Variants in NRXN3 observed in about 807,000 individuals in gnomAD.
NRXN3 encodes neurexin III.
In NRXN3, 32 loss-of-function variants were observed where a neutral mutation model predicts 137.6. The observed-to-expected ratio is 0.23, with a 90% CI of 0.18 to 0.31. The LOEUF is 0.31. NRXN3 is among the 10% of genes least tolerant of loss of function. The probability of loss-of-function intolerance (pLI) is 1.00; values close to 1 mark genes in which losing one functional copy is unlikely to be tolerated. For synonymous variants in NRXN3, 798 were observed against 784.5 expected (o/e 1.02, Z -0.29); for missense variants, 1,574 against 2,062.5 (o/e 0.76, Z 4.59).
chr14:78,825,007 GGTT>G (rs1447946966), intron 10 of NRXN3, among the ~76,000 whole-genome samples: 1 of 151,784 alleles, frequency 6.6e-6, no homozygotes, highest in Non-Finnish European at 1.5e-5. Flanking sequence ...CCTAAATAGT[GGTT>G]GTTCAAAGAG....
intron 16 of NRXN3, among the ~76,000 whole-genome samples, chr14:79,518,164 C>CA (rs1444518669): frequency 6.6e-6 from 1 of 152,008 alleles, no homozygotes; most frequent in East Asian, 1.9e-4. Flanking sequence ...TTCAGCCTCC[C>CA]AAAGTGTTGG....
chr14:78,213,433 C>G (rs958928864), intron 1 of NRXN3, among the ~76,000 whole-genome samples: 1 of 152,032 alleles, frequency 6.6e-6, no homozygotes, highest in East Asian at 1.9e-4. Flanking sequence ...GACCTTGATG[C>G]ACACCTGACT....
At chr14:79,087,117 G>A (rs967854064) in intron 15 of NRXN3, among the ~76,000 whole-genome samples, 20 of 152,292 alleles carry the variant, frequency 1.3e-4, no homozygotes, top group African/African-American at 4.8e-4. Flanking sequence ...CCCCTGGCCT[G>A]TCCCTTGGAA....
intron 4 of NRXN3, among the ~76,000 whole-genome samples, chr14:78,456,754 C>T (rs866417302): frequency 5.3e-5 from 8 of 151,718 alleles, no homozygotes; most frequent in South Asian, 2.1e-4. Flanking sequence ...CTTTTCTCCC[C>T]CTACAGGCTC....
intron 8 of NRXN3, among the ~76,000 whole-genome samples, chr14:78,726,829 C>G (rs1213569752): frequency 3.3e-5 from 5 of 151,934 alleles, no homozygotes; most frequent in Non-Finnish European, 7.4e-5. Context: ...TCATTTTAGC[C>G]ATTTTTATGT....
At chr14:78,424,654 A>G (rs968046396) in intron 4 of NRXN3, among the ~76,000 whole-genome samples, 1 of 152,188 alleles carries the variant, frequency 6.6e-6, no homozygotes, top group Non-Finnish European at 1.5e-5. Context: ...TGATTCAGGT[A>G]TTACCTTTGG....
chr14:79,234,315 TA>T (rs1448665700), intron 15 of NRXN3, among the ~76,000 whole-genome samples: 15 of 116,778 alleles, frequency 1.3e-4, no homozygotes, highest in African/African-American at 5.2e-4. Context: ...TATATATATA[TA>T]TATATATATA....
chr14:78,537,500 T>C (rs1390900616), intron 4 of NRXN3, among the ~76,000 whole-genome samples: 1 of 152,252 alleles, frequency 6.6e-6, no homozygotes, highest in African/African-American at 2.4e-5. Flanking sequence ...TTGTAGATTC[T>C]GGATATTAAC....
At chr14:78,850,951 G>A (rs2099040913) in intron 10 of NRXN3, among the ~76,000 whole-genome samples, 1 of 152,126 alleles carries the variant, frequency 6.6e-6, no homozygotes, top group Admixed American at 6.6e-5. Context: ...AGCGGTTGTA[G>A]GTTTTATTTT....
intron 15 of NRXN3, among the ~76,000 whole-genome samples, chr14:79,158,201 T>C (rs1200190696): frequency 6.6e-6 from 1 of 151,816 alleles, no homozygotes; most frequent in Non-Finnish European, 1.5e-5. Flanking sequence ...TTTCTTTCTA[T>C]CTCCCTAAAA....
At chr14:79,295,534 G>C (rs2083928223) in intron 15 of NRXN3, among the ~76,000 whole-genome samples, 1 of 152,128 alleles carries the variant, frequency 6.6e-6, no homozygotes, top group African/African-American at 2.4e-5. Flanking sequence ...TAGAATGAAA[G>C]TTCTGAGAGC....
chr14:79,703,702 G>A (rs1251399511), intron 19 of NRXN3, among the ~76,000 whole-genome samples: 1 of 151,592 alleles, frequency 6.6e-6, no homozygotes, highest in Non-Finnish European at 1.5e-5. Flanking sequence ...GATGAGATTT[G>A]CCTAGGGACA....
intron 15 of NRXN3, among the ~76,000 whole-genome samples, chr14:79,366,788 A>G (rs1462279872): frequency 2.0e-5 from 3 of 152,326 alleles, no homozygotes; most frequent in African/African-American, 4.8e-5. Flanking sequence ...AGGCATTTGA[A>G]TGAATGTATG....
chr14:79,770,887 TAAAGAGAA>T (rs962117013), intron 19 of NRXN3, among the ~76,000 whole-genome samples: 4 of 151,398 alleles, frequency 2.6e-5, no homozygotes, highest in Non-Finnish European at 4.4e-5. Flanking sequence ...GCAAGACTAA[TAAAGAGAA>T]AAAGAGAGAA....
At chr14:79,485,846 C>A (rs2096651099) in intron 16 of NRXN3, among the ~76,000 whole-genome samples, 1 of 152,060 alleles carries the variant, frequency 6.6e-6, no homozygotes, top group Admixed American at 6.6e-5. Context: ...TTAGAGCAAT[C>A]CTGGAAGCTT....
intron 1 of NRXN3, among the ~76,000 whole-genome samples, chr14:78,238,539 G>A (rs373224718): frequency 2.0e-4 from 30 of 152,356 alleles, no homozygotes; most frequent in African/African-American, 6.7e-4. Flanking sequence ...GGAGGCCTGC[G>A]ATATTTAGTG....
intron 15 of NRXN3, among the ~76,000 whole-genome samples, chr14:79,007,406 T>C (rs80060318): frequency 0.013 from 2,041 of 151,870 alleles, 49 homozygotes; most frequent in African/African-American, 0.047. Context: ...TTAGGGACAG[T>C]TCAGCCATGT....
intron 20 of NRXN3, among the ~76,000 whole-genome samples, chr14:79,823,219 A>G (rs912236283): frequency 6.6e-6 from 1 of 152,174 alleles, no homozygotes; most frequent in Non-Finnish European, 1.5e-5. Context: ...CTCCTGATTC[A>G]TGAAATTTAT....
chr14:78,587,761 C>CTCAGGGCA (rs1482913647), intron 4 of NRXN3, among the ~76,000 whole-genome samples: 1 of 152,184 alleles, frequency 6.6e-6, no homozygotes, highest in Non-Finnish European at 1.5e-5. Context: ...TTCTTAAAGA[C>CTCAGGGCA]TCAGGGCATC....
Sources: gnomAD v4.1 joint callset for allele counts (sites outside exome capture counted in the v4.1 genomes callset) on GRCh38, gnomAD v4.1.1 for gene constraint, MANE v1.5 for transcripts, NCBI Gene and HGNC (gene_info 2026-07-23, HGNC 2026-07-21) for gene names.